Variants in CPEB2 observed in about 807,000 individuals in gnomAD.
The protein encoded by CPEB2 is cytoplasmic polyadenylation element binding protein 2, also known as cytoplasmic polyadenylation element-binding protein 2.
In CPEB2, 56 loss-of-function variants were observed where a neutral mutation model predicts 93.6. The ratio of observed to expected loss-of-function variants is 0.60; its 90% CI spans 0.48 to 0.75. The LOEUF (loss-of-function observed/expected upper bound fraction) is 0.75. CPEB2 is among the 30% of genes least tolerant of loss of function. The pLI, the probability that CPEB2 is intolerant of heterozygous loss-of-function variation, is 0.00. For synonymous variants in CPEB2, 764 were observed against 586.3 expected, an observed-to-expected ratio of 1.30 and a Z score of -4.38; for missense variants, 1,579 against 1,395.1, an observed-to-expected ratio of 1.13 and a Z score of -2.10.
At chr4:15,058,356 GTACT>G (rs1460727643) in intron 8 of CPEB2, 61 bp from the exon 9 acceptor site, 128 of 837,758 alleles carry the variant, frequency 1.5e-4, no homozygotes, top group Non-Finnish European at 2.4e-4. Flanking sequence ...TTTCTAAATA[GTACT>G]GAAATTTGGA....
At chr4:15,055,520 C>T (rs912354627) in intron 8 of CPEB2, among the ~76,000 whole-genome samples, 6 of 152,008 alleles carry the variant, frequency 3.9e-5, no homozygotes, top group Non-Finnish European at 5.9e-5. Flanking sequence ...GTAATGTTCC[C>T]GACTAAGCTA....
chr4:15,041,664 A>G lies in CPEB2; in HGVS notation c.2200+1177A>G, dbSNP rs542469282. ...GTGATCTGCCCACCTCGGCCTCCCA[A>G]AGTGCTGGGATTACAGGCATGAGCC... On this transcript the variant is annotated intron_variant, in intron 6 of 11. Transcript: ENST00000538197. Among the ~76,000 whole-genome samples the G allele has an allele frequency of 2.6e-5, 4 of 152,190 alleles. 1 individual carries two copies. Among genetic ancestry groups the G allele is most frequent in the African/African-American group, 9.6e-5 (4 of 41,550 alleles).
chr4:15,053,206 C>T (rs1229844349), intron 7 of CPEB2, among the ~76,000 whole-genome samples: 5 of 151,958 alleles, frequency 3.3e-5, no homozygotes, highest in South Asian at 2.1e-4. Flanking sequence ...TTAGGTGAGA[C>T]GGGGTTTCAC....
rs1208764533 is a variant in CPEB2, at chr4:15,003,024, A to G, written c.351A>G (p.Lys117=). 1.3e-6 allele frequency: 2 copies of G among 1,484,496 alleles called. No homozygotes were observed. The highest frequency in any genetic ancestry group is 1.5e-5 in the African/African-American group (1 of 66,780). The allele number at this position is 1,484,496 out of a possible 1,614,324, so 92.0% of individuals were successfully genotyped here. The change falls in exon 1 of 12, where the codon AAA becomes AAG. Residue 117 remains lysine (K), a synonymous_variant. Transcript: ENST00000538197. ...TTTCGGGGGCGGCGGCCACGGAGAA[A>G]CTCCCCGACCACCACCCCGGCGGCG... ...RPLSGAAATE[K]LPDHHPGGGT... is the part of the protein sequence containing the mutation.
chr4:15,022,156 AGTG>A (rs1724883982), intron 4 of CPEB2, among the ~76,000 whole-genome samples: 1 of 152,200 alleles, frequency 6.6e-6, no homozygotes, highest in Non-Finnish European at 1.5e-5. Flanking sequence ...CCACCCTAGA[AGTG>A]GTGTAGTTCG....
At chr4:15,034,359 AC>A (rs1435249740) in intron 5 of CPEB2, among the ~76,000 whole-genome samples, 1 of 152,214 alleles carries the variant, frequency 6.6e-6, no homozygotes, top group Non-Finnish European at 1.5e-5. Flanking sequence ...GTTATACTAA[AC>A]ATTATTAAAC....
intron 3 of CPEB2, among the ~76,000 whole-genome samples, chr4:15,014,151 C>T (rs1723829820): frequency 6.6e-6 from 1 of 151,912 alleles, no homozygotes; most frequent in African/African-American, 2.4e-5. Context: ...CCTACACCTC[C>T]AGAAAAAGGA....
At position 15,062,009 on chromosome 4, in the gene CPEB2, A is replaced by G. The variant is rs1729232976; in HGVS notation, c.2696-70A>G. 6 of 1,380,520 alleles carry G rather than the reference A, an allele frequency of 4.3e-6. No individual in the cohort carries two copies. In the East Asian group the frequency reaches 1.4e-4, roughly 32 times the overall value. 85.5% of individuals were successfully genotyped at this position (1,380,520 alleles called of 1,614,324 possible). On this transcript the variant is annotated intron_variant, in intron 10 of 11. Transcript: ENST00000538197. ...TATACTATTGACTTTTACGTTTTACAAAAAGTACTTAAAAATTGTTGATTA... is the reference window on the plus strand; with the variant it reads ...TATACTATTGACTTTTACGTTTTACGAAAAGTACTTAAAAATTGTTGATTA...
intron 4 of CPEB2, among the ~76,000 whole-genome samples, chr4:15,022,347 A>G (rs1186619356): frequency 1.3e-5 from 2 of 152,170 alleles, no homozygotes; most frequent in Non-Finnish European, 2.9e-5. Flanking sequence ...ACTCTTCCTT[A>G]TTTCCCCTGA....
At position 15,066,840 on chromosome 4, in the gene CPEB2, A is replaced by AT. The variant is rs1189738467; in HGVS notation, c.*464dup. On this transcript the variant is annotated 3_prime_UTR_variant, in exon 12 of 12. Transcript: ENST00000538197. Reference sequence around the variant, plus strand: ...ACAAATGCTTATTTTTATTGTTGCTATTTTCAGTGTATACATAAACTAAAA... The same window carrying AT: ...ACAAATGCTTATTTTTATTGTTGCTATTTTTCAGTGTATACATAAACTAAAA... 1 of 155,860 alleles carries AT rather than the reference A, an allele frequency of 6.4e-6. No homozygotes were observed. Among genetic ancestry groups the AT allele is most frequent in the African/African-American group, 2.4e-5 (1 of 41,444 alleles). 9.7% of individuals were successfully genotyped at this position (155,860 alleles called of 1,614,324 possible). A position where few individuals can be genotyped will look rare whatever the true frequency, so the allele number is the denominator to read the frequency against.
At position 15,003,353 on chromosome 4, in the gene CPEB2, G is replaced by GCC; in HGVS notation, c.681_682dup (p.Gln228ProfsTer81). ...CTCCAGCCGGCGCAGCTCGCTCAGC[G>GCC]CCAGCAGCAACAGCCGCCGCAGCAG... On this transcript the variant is annotated frameshift_variant, in exon 1 of 12. Transcript: ENST00000538197. LOFTEE classifies it high-confidence loss of function. 7.2e-7 allele frequency: 1 copy of GCC among 1,389,644 alleles called. No individual in the cohort carries two copies. The highest frequency in any genetic ancestry group is 9.2e-7 in the Non-Finnish European group (1 of 1,084,842). 86.1% of individuals were successfully genotyped at this position (1,389,644 alleles called of 1,614,324 possible).
chr4:15,020,824 A>G (rs1724724739), intron 4 of CPEB2, among the ~76,000 whole-genome samples: 1 of 152,114 alleles, frequency 6.6e-6, no homozygotes, highest in Non-Finnish European at 1.5e-5. Context: ...ATACAAATAC[A>G]ATATACGTAT....
At position 15,007,407 on chromosome 4, in the gene CPEB2, G is replaced by A. The variant is rs2108953761; in HGVS notation, c.1765G>A (p.Gly589Arg). ...GCATGGCAGAGATCATCGTAGAACC[G>A]GAAACATGGGAATCCCAGGAACTAT... ...AMHGRDHRRT[G>R]NMGIPGTMNQ... Residue 589 changes from glycine (G) to arginine (R), a missense_variant, in exon 2 of 12, where the codon GGA becomes AGA. This residue lies in a region of CPEB2 where 1,411 missense variants were observed against 1,056.0 expected (regional missense o/e 1.34). Transcript: ENST00000538197. 4 of 1,613,978 alleles carry A rather than the reference G, an allele frequency of 2.5e-6. No homozygotes were observed. Among genetic ancestry groups the A allele is most frequent in the Non-Finnish European group, 3.4e-6 (4 of 1,179,896 alleles).
At position 15,003,010 on chromosome 4, in the gene CPEB2, G is replaced by T. The variant is rs947905611; in HGVS notation, c.337G>T (p.Ala113Ser). The T allele has an allele frequency of 9.4e-6, 14 of 1,495,972 alleles. No homozygotes were observed. Among genetic ancestry groups the T allele is most frequent in the Middle Eastern group, 1.7e-4 (1 of 5,770 alleles). 92.7% of individuals were successfully genotyped at this position (1,495,972 alleles called of 1,614,324 possible). A position where few individuals can be genotyped will look rare whatever the true frequency, so the allele number is the denominator to read the frequency against. The stretch of plus-strand genomic sequence containing the variant: ...GCCGGCGCGGCCGCTTTCGGGGGCG[G>T]CGGCCACGGAGAAACTCCCCGACCA... ...QQPARPLSGAAATEKLPDHHP... is the reference protein window; with the variant it reads ...QQPARPLSGASATEKLPDHHP... Residue 113 changes from alanine (A) to serine (S), a missense_variant, in exon 1 of 12, where the codon GCG becomes TCG. Ala to Ser is a moderately conservative substitution (Grantham distance 99). Transcript: ENST00000538197.
intron 3 of CPEB2, among the ~76,000 whole-genome samples, chr4:15,009,778 G>A (rs1723246185): frequency 6.6e-6 from 1 of 152,164 alleles, no homozygotes; most frequent in Admixed American, 6.5e-5. Flanking sequence ...GGTCCATGAG[G>A]CAGGGACAGA....
chr4:15,020,363 A>C (rs1276220589), intron 4 of CPEB2, among the ~76,000 whole-genome samples: 1 of 152,110 alleles, frequency 6.6e-6, no homozygotes, highest in Non-Finnish European at 1.5e-5. Flanking sequence ...GTTAAAGGAA[A>C]AGAAAAATTA....
intron 4 of CPEB2, among the ~76,000 whole-genome samples, chr4:15,032,093 A>G (rs774402717): frequency 1.2e-4 from 18 of 152,216 alleles, no homozygotes; most frequent in Non-Finnish European, 2.5e-4. Flanking sequence ...AATCAGTTAA[A>G]AAAATTTTTT....
chr4:15,012,985 G>A (rs911325229), intron 3 of CPEB2, among the ~76,000 whole-genome samples: 24 of 151,900 alleles, frequency 1.6e-4, no homozygotes, highest in African/African-American at 5.1e-4. Flanking sequence ...GATTAAGTTT[G>A]AATTCCCTTT....
chr4:15,009,602 G>T (rs183056781), intron 3 of CPEB2, among the ~76,000 whole-genome samples: 1 of 152,152 alleles, frequency 6.6e-6, no homozygotes, highest in Non-Finnish European at 1.5e-5. Flanking sequence ...TTTAGGAGAA[G>T]AAAATTAATG....
Sources: gnomAD v4.1 joint callset for allele counts (sites outside exome capture counted in the v4.1 genomes callset) on GRCh38, gnomAD v4.1.1 for gene constraint, gnomAD v4.1.1 regional missense constraint, MANE v1.5 for transcripts, NCBI Gene and HGNC (gene_info 2026-07-23, HGNC 2026-07-21) for gene names.